The following PRDM12 variants were observed in gnomAD, a reference collection of about 807,000 sequenced individuals.
PRDM12 encodes PR/SET domain 12.
In PRDM12, 17 loss-of-function variants were observed where a neutral mutation model predicts 29.6. That is an observed-to-expected ratio of 0.57 (90% CI 0.39 to 0.86). PRDM12 has a LOEUF of 0.86. Ranked by LOEUF, PRDM12 falls within the 40% of genes least tolerant of loss-of-function variation. The pLI, the probability that PRDM12 is intolerant of heterozygous loss-of-function variation, is 0.00. For missense variants in PRDM12, 422 were observed against 510.8 expected (o/e 0.83, Z 1.68); for synonymous variants, 231 against 225.8 (o/e 1.02, Z -0.21).
At chr9:130,680,620 G>C (rs1234382410) in intron 4 of PRDM12, among the ~76,000 whole-genome samples, 1 of 77,394 alleles carries the variant, frequency 1.3e-5, no homozygotes, top group African/African-American at 5.6e-5. Context: ...GGGAGACTCC[G>C]TCTAAAAAAA....
Position 130,664,955 on chromosome 9 carries a change from G to A in PRDM12, c.223+79G>A, listed in dbSNP as rs1830717983. On this transcript the variant is annotated intron_variant, in intron 1 of 4. Coordinates refer to ENST00000253008, the MANE Select transcript of PRDM12 (RefSeq NM_021619.3). This position sits in a 1 kb window ranked among gnomAD's most constrained non-coding sequence, Gnocchi z 6.4. ...CCCGTCCTGGCGATGCGCGAGACGC[G>A]GCTGGGATACCCGGCCTCGCTGCTA... 5 of 1,372,232 alleles carry A rather than the reference G, an allele frequency of 3.6e-6. No individual in the cohort carries two copies. The highest frequency in any genetic ancestry group is 4.9e-6 in the Non-Finnish European group (5 of 1,025,776). 85.0% of individuals were successfully genotyped at this position (1,372,232 alleles called of 1,614,324 possible).
chr9:130,667,347 A>G (rs1564244718), intron 2 of PRDM12, among the ~76,000 whole-genome samples: 1 of 152,078 alleles, frequency 6.6e-6, no homozygotes, highest in Non-Finnish European at 1.5e-5. Context: ...CCCATGCCTT[A>G]CTGTTCCCTT....
At chr9:130,667,614 C>T (rs1450618214) in intron 2 of PRDM12, among the ~76,000 whole-genome samples, 2 of 152,176 alleles carry the variant, frequency 1.3e-5, no homozygotes, top group Non-Finnish European at 2.9e-5. Flanking sequence ...CATCTCCCTC[C>T]TCTGGAGGGC....
In PRDM12 at chr9:130,681,362, C is replaced by T; in HGVS notation, c.797C>T (p.Thr266Met). Reference protein sequence around the residue: ...SNLRSHMRIHTLDKPFVCRFC... With the variant: ...SNLRSHMRIHMLDKPFVCRFC... ...CTGCGCTCGCACATGCGCATCCACA[C>T]GCTGGACAAGCCCTTCGTGTGCCGC... The change falls in exon 5 of 5, where the codon ACG (threonine) becomes ATG (methionine). Residue 266 changes from threonine to methionine, a missense_variant. Physicochemically the swap from Thr to Met is moderately conservative, Grantham distance 81. Coordinates refer to ENST00000253008, the MANE Select transcript of PRDM12 (RefSeq NM_021619.3). This position sits in a 1 kb window ranked among gnomAD's most constrained non-coding sequence, Gnocchi z 8.1. The T allele has an allele frequency of 6.3e-7, 1 of 1,587,824 alleles. No homozygotes were observed. The highest frequency in any genetic ancestry group is 8.6e-7 in the Non-Finnish European group (1 of 1,168,420).
In PRDM12 at chr9:130,664,872, C is replaced by G. The variant is rs778954222; in HGVS notation, c.219C>G (p.Ser73=). 6.5e-7 allele frequency: 1 copy of G among 1,537,016 alleles called. No individual in the cohort carries two copies. Among genetic ancestry groups the G allele is most frequent in the Admixed American group, 2.0e-5 (1 of 50,680 alleles). The change falls in exon 1 of 5, where the codon TCC becomes TCG. Residue 73 remains serine, a synonymous_variant. Transcript: ENST00000253008. The surrounding 1 kb of genome is among the most constrained non-coding windows in gnomAD (Gnocchi z 6.4). ...FTAEVLAQSF[S]GEVQKLSSLV... ...CCGAGGTGCTGGCGCAGTCCTTCTC[C>G]GGCGGTGAGTCCAGCCGTCGGAGCC...
At position 130,668,371 on chromosome 9, in the gene PRDM12, A is replaced by T; in HGVS notation, c.570+58A>T. 1 of 1,602,110 alleles carries T rather than the reference A, an allele frequency of 6.2e-7. No individual in the cohort carries two copies. Among genetic ancestry groups the T allele is most frequent in the Non-Finnish European group, 8.5e-7 (1 of 1,172,528 alleles). ...ACCAGCCGGTAAACCCGGCGGGGGG[A>T]GGTGTGCAGGGCAGCGGTGTCCAGG... On this transcript the variant is annotated intron_variant, in intron 3 of 4. Transcript: ENST00000253008. The surrounding 1 kb of genome is among the most constrained non-coding windows in gnomAD (Gnocchi z 4.0).
At chr9:130,680,659 A>ATTTTTTTTTT (rs767033169) in intron 4 of PRDM12, among the ~76,000 whole-genome samples, 7 of 72,164 alleles carry the variant, frequency 9.7e-5, no homozygotes, top group East Asian at 6.4e-4. Context: ...ATATATATAT[A>ATTTTTTTTTT]TTTTTTTTTT....
At chr9:130,680,476 T>C (rs1830883365) in intron 4 of PRDM12, among the ~76,000 whole-genome samples, 1 of 150,046 alleles carries the variant, frequency 6.7e-6, no homozygotes, top group South Asian at 2.1e-4. Flanking sequence ...GTACTAAAAA[T>C]AGAAAAATTA....
In PRDM12 at chr9:130,681,570, C is replaced by G. The variant is rs1187431933; in HGVS notation, c.1005C>G (p.Pro335=). Residue 335 remains proline, a synonymous_variant, in exon 5 of 5, where the codon CCC becomes CCG. Coordinates refer to ENST00000253008, the MANE Select transcript of PRDM12 (RefSeq NM_021619.3). This position sits in a 1 kb window ranked among gnomAD's most constrained non-coding sequence, Gnocchi z 8.1. ...PPSTALQAHS[P]ALPAPHAHAP... Reference sequence around the variant, plus strand: ...GCACCGCGCTGCAGGCACACTCGCCCGCGCTGCCCGCCCCGCACGCGCACG... The same window carrying G: ...GCACCGCGCTGCAGGCACACTCGCCGGCGCTGCCCGCCCCGCACGCGCACG... 5.0e-6 allele frequency: 6 copies of G among 1,205,022 alleles called. No homozygotes were observed. The highest frequency in any genetic ancestry group is 6.2e-6 in the Non-Finnish European group (6 of 970,706). 74.6% of individuals were successfully genotyped at this position (1,205,022 alleles called of 1,614,324 possible). A position where few individuals can be genotyped will look rare whatever the true frequency, so the allele number is the denominator to read the frequency against.
At chr9:130,673,891 G>A (rs1440453655) in intron 3 of PRDM12, among the ~76,000 whole-genome samples, 3 of 151,548 alleles carry the variant, frequency 2.0e-5, no homozygotes, top group Non-Finnish European at 2.9e-5. Context: ...GGCTGGTCTC[G>A]AACTCCCAAC....
Position 130,664,684 on chromosome 9 carries a change from C to A in PRDM12, c.31C>A (p.Leu11Met), listed in dbSNP as rs748613767. The change falls in exon 1 of 5, where the codon CTG becomes ATG. Residue 11 changes from leucine (L) to methionine (M), a missense_variant. Physicochemically the swap from Leu to Met is conservative, Grantham distance 15 (BLOSUM62 2). Around this residue, in one of 5 missense-constraint regions of PRDM12, gnomAD observed 300 missense variants for 350.0 expected, o/e 0.86. Coordinates refer to ENST00000253008, the MANE Select transcript of PRDM12 (RefSeq NM_021619.3). This position sits in a 1 kb window ranked among gnomAD's most constrained non-coding sequence, Gnocchi z 6.4. MMGSVLPAEA[L>M]VLKTGLKAPG... ...GGGCTCCGTGCTCCCGGCTGAGGCC[C>A]TGGTGCTCAAGACCGGGCTGAAGGC... The A allele has an allele frequency of 5.0e-6, 8 of 1,605,646 alleles. No individual in the cohort carries two copies. Among genetic ancestry groups the A allele is most frequent in the Non-Finnish European group, 6.8e-6 (8 of 1,178,494 alleles).
rs370513734 is a variant in PRDM12, at chr9:130,668,350, G to A, written c.570+37G>A. The A allele has an allele frequency of 3.0e-5, 49 of 1,607,716 alleles. No individual in the cohort carries two copies. Among genetic ancestry groups the A allele is most frequent in the Non-Finnish European group, 4.1e-5 (48 of 1,175,318 alleles). ...TGTGTGCACTGTTGTGTAGGGACCA[G>A]CCGGTAAACCCGGCGGGGGGAGGTG... is the stretch of plus-strand genomic sequence containing the variant. On this transcript the variant is annotated intron_variant, in intron 3 of 4. Coordinates refer to ENST00000253008, the MANE Select transcript of PRDM12 (RefSeq NM_021619.3). This position sits in a 1 kb window ranked among gnomAD's most constrained non-coding sequence, Gnocchi z 4.0.
intron 3 of PRDM12, among the ~76,000 whole-genome samples, chr9:130,676,304 C>T (rs1830841566): frequency 6.6e-6 from 1 of 152,074 alleles, no homozygotes; most frequent in African/African-American, 2.4e-5. Flanking sequence ...TCCTGGCTAA[C>T]ACGGTGAAAC....
chr9:130,666,208 C>A (rs1043932834), intron 1 of PRDM12, among the ~76,000 whole-genome samples: 2 of 152,234 alleles, frequency 1.3e-5, no homozygotes, highest in African/African-American at 4.8e-5. Flanking sequence ...CTCCGGTTGG[C>A]CTTCACCTCC....
intron 2 of PRDM12, among the ~76,000 whole-genome samples, chr9:130,667,251 A>G (rs1830742355): frequency 6.6e-6 from 1 of 152,236 alleles, no homozygotes. Flanking sequence ...TGGTGAAAGC[A>G]GAATGACATT....
rs753001721 is a variant in PRDM12 at position 130,681,296 on chromosome 9, G to T, written c.731G>T (p.Arg244Leu). The T allele has an allele frequency of 2.0e-6, 3 of 1,515,168 alleles. No individual in the cohort carries two copies. Among genetic ancestry groups the T allele is most frequent in the Non-Finnish European group, 8.9e-7 (1 of 1,125,448 alleles). The allele number at this position is 1,515,168 out of a possible 1,614,324, so 93.9% of individuals were successfully genotyped here. A position where few individuals can be genotyped will look rare whatever the true frequency, so the allele number is the denominator to read the frequency against. ...GCGGCTGGCCCCGCGGGCCGCATGC[G>T]ATGCGTCATCTGCCACCGCGGCTTC... ...DSAAGPAGRM[R>L]CVICHRGFNS... The change falls in exon 5 of 5, where the codon CGA becomes CTA. Residue 244 changes from arginine (R) to leucine (L), a missense_variant. Around this residue, in one of 5 missense-constraint regions of PRDM12, gnomAD observed 300 missense variants for 350.0 expected, o/e 0.86. Coordinates refer to ENST00000253008, the MANE Select transcript of PRDM12 (RefSeq NM_021619.3). The surrounding 1 kb of genome is among the most constrained non-coding windows in gnomAD (Gnocchi z 8.1).
In PRDM12 at chr9:130,681,974, G is replaced by T. The variant is rs1830909717; in HGVS notation, c.*305G>T. ...AGTCTCCCTGCTGCTGTAGAGCCGG[G>T]CGCCCAGGCCGGCATCCCCCTCGTG... On this transcript the variant is annotated 3_prime_UTR_variant, in exon 5 of 5. Transcript: ENST00000253008. This position sits in a 1 kb window ranked among gnomAD's most constrained non-coding sequence, Gnocchi z 8.1. 6.3e-6 allele frequency: 1 copy of T among 158,646 alleles called. No homozygotes were observed. The highest frequency in any genetic ancestry group is 2.4e-5 in the African/African-American group (1 of 41,544). The allele number at this position is 158,646 out of a possible 1,614,324, so 9.8% of individuals were successfully genotyped here. A position where few individuals can be genotyped will look rare whatever the true frequency, so the allele number is the denominator to read the frequency against.
intron 1 of PRDM12, 107 bp from the exon 2 acceptor site, chr9:130,666,501 G>A: frequency 7.1e-7 from 1 of 1,418,350 alleles, no homozygotes; most frequent in Non-Finnish European, 9.3e-7. Context: ...GCCGACTTGG[G>A]TTTGGCTGGT....
At position 130,681,640 on chromosome 9, in the gene PRDM12, G is replaced by GC; in HGVS notation, c.1076dup (p.His360AlafsTer191). ...CGCCGCCGCCGCCGCCGCCGCCGCC[G>GC]CGCACCACCTGCCGGCCATGGTGCT... On this transcript the variant is annotated frameshift_variant, in exon 5 of 5. Transcript: ENST00000253008. LOFTEE classifies it high-confidence loss of function. This position sits in a 1 kb window ranked among gnomAD's most constrained non-coding sequence, Gnocchi z 8.1. The GC allele has an allele frequency of 2.0e-6, 2 of 977,700 alleles. No homozygotes were observed. Among genetic ancestry groups the GC allele is most frequent in the Non-Finnish European group, 2.4e-6 (2 of 826,122 alleles). The allele number at this position is 977,700 out of a possible 1,614,324, so 60.6% of individuals were successfully genotyped here.
Sources: gnomAD v4.1 joint callset for allele counts (sites outside exome capture counted in the v4.1 genomes callset) on GRCh38, gnomAD v4.1.1 for gene constraint, gnomAD v4.1.1 regional missense constraint, Gnocchi (gnomAD v3.1) non-coding constraint, MANE v1.5 for transcripts, NCBI Gene and HGNC (gene_info 2026-07-23, HGNC 2026-07-21) for gene names.